The following CACNB4 variants were observed in gnomAD, a reference collection of about 807,000 sequenced individuals.
CACNB4 encodes the protein voltage-dependent L-type calcium channel subunit beta-4.
Under a neutral mutation model 71.2 loss-of-function variants are expected in CACNB4, and 32 were observed. That is an observed-to-expected ratio of 0.45 (90% CI 0.34 to 0.60). The LOEUF is 0.60. Ranked by LOEUF, CACNB4 falls within the 20% of genes least tolerant of loss-of-function variation. The pLI, the probability that CACNB4 is intolerant of heterozygous loss-of-function variation, is 0.01. For missense variants in CACNB4, 464 were observed against 647.9 expected (o/e 0.72, Z 3.08); for synonymous variants, 231 against 236.9 (o/e 0.97, Z 0.23).
intron 2 of CACNB4, among the ~76,000 whole-genome samples, chr2:152,007,979 C>T (rs1682826836): frequency 6.6e-6 from 1 of 152,044 alleles, no homozygotes; most frequent in African/African-American, 2.4e-5. Context: ...ACCATGTTGG[C>T]CAGGCTGGTC....
At chr2:151,952,665 C>T (rs1578948393) in intron 2 of CACNB4, among the ~76,000 whole-genome samples, 2 of 152,162 alleles carry the variant, frequency 1.3e-5, no homozygotes, top group African/African-American at 4.8e-5. Context: ...ACTTAATGGG[C>T]TGCCCCAGAA....
At chr2:151,955,893 G>A (rs1231483587) in intron 2 of CACNB4, among the ~76,000 whole-genome samples, 3 of 149,588 alleles carry the variant, frequency 2.0e-5, no homozygotes, top group African/African-American at 7.3e-5. Flanking sequence ...ACAGAGCAAG[G>A]CACGGTCTCA....
chr2:151,849,365 C>A (rs1284865130), intron 12 of CACNB4, among the ~76,000 whole-genome samples: 2 of 152,136 alleles, frequency 1.3e-5, no homozygotes, highest in Admixed American at 6.5e-5. Flanking sequence ...TCAAGCAATT[C>A]TCTCACCTCA....
chr2:152,009,197 AAAAAAAAG>A lies in CACNB4; in HGVS notation c.147+89125_147+89132del, dbSNP rs1226451293. On this transcript the variant is annotated intron_variant, in intron 2 of 13. Transcript: ENST00000539935. ...CAGTGAGACCCTGTCTCAAAAAAAA[AAAAAAAAG>A]AAAGAAAGAAAGAAAGGAAAAAGCA... Among the ~76,000 whole-genome samples the A allele has an allele frequency of 2.0e-5, 3 of 151,986 alleles. 1 individual carries two copies. The highest frequency in any genetic ancestry group is 4.8e-5 in the African/African-American group (2 of 41,384).
intron 2 of CACNB4, among the ~76,000 whole-genome samples, chr2:152,006,368 C>G (rs1682721971): frequency 6.6e-6 from 1 of 151,774 alleles, no homozygotes; most frequent in African/African-American, 2.4e-5. Context: ...AGTTTGATGC[C>G]CCCGTTCCAT....
intron 4 of CACNB4, among the ~76,000 whole-genome samples, chr2:151,877,004 A>G (rs1318361397): frequency 5.4e-5 from 8 of 147,516 alleles, no homozygotes; most frequent in Non-Finnish European, 8.9e-5. Context: ...TATTAATATA[A>G]AGTATATTGT....
At chr2:151,881,944 G>C (rs2099847977) in intron 3 of CACNB4, among the ~76,000 whole-genome samples, 1 of 144,092 alleles carries the variant, frequency 6.9e-6, no homozygotes, top group African/African-American at 2.6e-5. Flanking sequence ...GCAATGGTGT[G>C]ATCTCGGCTG....
intron 2 of CACNB4, among the ~76,000 whole-genome samples, chr2:152,030,915 A>G (rs919382396): frequency 1.3e-5 from 2 of 152,192 alleles, no homozygotes; most frequent in African/African-American, 4.8e-5. Flanking sequence ...TAAAATTGAT[A>G]CTGATGTCAA....
rs560150485 is a variant in CACNB4 at position 151,902,609 on chromosome 2, T to A, written c.148-19239A>T. On this transcript the variant is annotated intron_variant, in intron 2 of 13. Transcript: ENST00000539935. ...TGAGGAGCCTATGATTAATTATATT[T>A]TGGTTTTTACATCAGCCACCAGGAA... Among the ~76,000 whole-genome samples the A allele has an allele frequency of 1.2e-4, 19 of 152,292 alleles. No homozygotes were observed. The South Asian group carries it at 3.9e-3, about 32-fold the overall frequency.
At position 151,876,567 on chromosome 2, in the gene CACNB4, GA is replaced by G. The variant is rs765311999; in HGVS notation, c.391-12del. 2.0e-6 allele frequency: 3 copies of G among 1,467,832 alleles called. No homozygotes were observed. Among genetic ancestry groups the G allele is most frequent in the South Asian group, 2.5e-5 (2 of 81,582 alleles). The allele number at this position is 1,467,832 out of a possible 1,614,324, so 90.9% of individuals were successfully genotyped here. Reference sequence around the variant, plus strand: ...ATCATTGTTATATTTCTGGAATTCAGAAATAAAATTGCTATCAATAGTAATT... The same window carrying G: ...ATCATTGTTATATTTCTGGAATTCAGAATAAAATTGCTATCAATAGTAATT... On this transcript the variant is annotated splice_polypyrimidine_tract_variant and intron_variant, in intron 4 of 13. Coordinates refer to ENST00000539935, the MANE Select transcript of CACNB4 (RefSeq NM_000726.5).
intron 2 of CACNB4, among the ~76,000 whole-genome samples, chr2:152,064,145 C>T (rs768404425): frequency 9.2e-5 from 14 of 152,134 alleles, no homozygotes; most frequent in African/African-American, 2.2e-4. Flanking sequence ...CTATGTCTAA[C>T]GGTGAGTACA....
At chr2:151,864,944 A>C (rs2099842691) in intron 9 of CACNB4, among the ~76,000 whole-genome samples, 1 of 152,184 alleles carries the variant, frequency 6.6e-6, no homozygotes, top group African/African-American at 2.4e-5. Flanking sequence ...TCATTCCCAG[A>C]GTCCGTGAAA....
intron 2 of CACNB4, among the ~76,000 whole-genome samples, chr2:152,085,859 A>G (rs1687635026): frequency 6.6e-6 from 1 of 151,934 alleles, no homozygotes; most frequent in South Asian, 2.1e-4. Flanking sequence ...AATGTACTGA[A>G]TGCTACTGCA....
chr2:152,075,031 A>G (rs1387762696), intron 2 of CACNB4, among the ~76,000 whole-genome samples: 1 of 152,230 alleles, frequency 6.6e-6, no homozygotes, highest in African/African-American at 2.4e-5. Context: ...GTGGAAGGCA[A>G]ATACCGATAC....
At chr2:151,931,971 A>T (rs1325023051) in intron 2 of CACNB4, among the ~76,000 whole-genome samples, 2 of 152,302 alleles carry the variant, frequency 1.3e-5, no homozygotes, top group South Asian at 4.1e-4. Context: ...CATTTTCTGT[A>T]AAAATAAACA....
intron 2 of CACNB4, chr2:151,971,130 C>G (rs1437017698): frequency 9.6e-6 from 2 of 208,260 alleles, no homozygotes; most frequent in Admixed American, 5.2e-5. Flanking sequence ...AGCATAACAT[C>G]TACTTTTGGA....
intron 2 of CACNB4, among the ~76,000 whole-genome samples, chr2:151,989,820 C>A (rs771907486): frequency 1.7e-4 from 26 of 152,288 alleles, no homozygotes; most frequent in Admixed American, 5.9e-4. Flanking sequence ...AAAATCAAGT[C>A]CTTATATTCT....
At chr2:151,849,634 C>G (rs1468077050) in intron 12 of CACNB4, among the ~76,000 whole-genome samples, 3 of 152,032 alleles carry the variant, frequency 2.0e-5, no homozygotes, top group African/African-American at 7.3e-5. Context: ...GTATCTATGC[C>G]CAGGCTGTAA....
chr2:152,090,181 G>A (rs972978324), intron 2 of CACNB4, among the ~76,000 whole-genome samples: 7 of 152,224 alleles, frequency 4.6e-5, no homozygotes, highest in Non-Finnish European at 7.3e-5. Flanking sequence ...GCCAAAGGAA[G>A]GCCATTAAAT....
Sources: gnomAD v4.1 joint callset for allele counts (sites outside exome capture counted in the v4.1 genomes callset) on GRCh38, gnomAD v4.1.1 for gene constraint, MANE v1.5 for transcripts, NCBI Gene and HGNC (gene_info 2026-07-23, HGNC 2026-07-21) for gene names.